The following CYP46A1 variants were observed in gnomAD, a reference collection of about 807,000 sequenced individuals.
The protein encoded by CYP46A1 is cytochrome P450 family 46 subfamily A member 1.
CYP46A1 carries 20 observed loss-of-function variants against 63.3 expected under a neutral mutation model. The ratio of observed to expected loss-of-function variants is 0.32; its 90% CI spans 0.22 to 0.46. The LOEUF (loss-of-function observed/expected upper bound fraction) is 0.46, where lower values mean the gene tolerates loss of function less well. CYP46A1 is among the 20% of genes least tolerant of loss of function. The pLI, the probability that CYP46A1 is intolerant of heterozygous loss-of-function variation, is 1.00. For missense variants in CYP46A1, 445 were observed against 670.8 expected (o/e 0.66, Z 3.72); for synonymous variants, 268 against 273.6 (o/e 0.98, Z 0.20).
intron 7 of CYP46A1, among the ~76,000 whole-genome samples, chr14:99,714,932 A>G (rs1300334633): frequency 6.6e-6 from 1 of 152,202 alleles, no homozygotes; most frequent in African/African-American, 2.4e-5. Flanking sequence ...GTTCTCCCAC[A>G]TACGTGGGAG....
In CYP46A1 at chr14:99,721,997, C is replaced by A; in HGVS notation, c.1107C>A (p.Gly369=). ...TGAGGCTGTACCCACCAGCATGGGG[C>A]ACCTTTCGCCTGCTGGAAGAGGAGA... ...ESLRLYPPAW[G]TFRLLEEETL... Residue 369 remains glycine, a synonymous_variant, in exon 12 of 15, where the codon GGC becomes GGA. Transcript: ENST00000261835. The A allele has an allele frequency of 6.2e-7, 1 of 1,613,782 alleles. No individual in the cohort carries two copies. The highest frequency in any genetic ancestry group is 8.5e-7 in the Non-Finnish European group (1 of 1,179,904).
At chr14:99,688,210 AAATACATCCAGGCATGTGTGATG>A (rs925604354) in intron 1 of CYP46A1, among the ~76,000 whole-genome samples, 2 of 152,084 alleles carry the variant, frequency 1.3e-5, no homozygotes. Flanking sequence ...ATTACTCTGG[AAATACATCCAGGCATGTGTGATG>A]ATCACAGCCC....
chr14:99,692,178 A>G (rs2056549607), intron 3 of CYP46A1, among the ~76,000 whole-genome samples: 1 of 152,230 alleles, frequency 6.6e-6, no homozygotes, highest in South Asian at 2.1e-4. Context: ...TGAGATGGGA[A>G]TTATAACTCT....
intron 7 of CYP46A1, chr14:99,712,126 G>A (rs2056738359): frequency 6.6e-6 from 1 of 152,082 alleles, no homozygotes. Context: ...ATGAATAGAA[G>A]GAACGTAGCT....
Position 99,726,793 on chromosome 14 carries a change from G to T in CYP46A1, c.*66G>T. 1 of 1,319,124 alleles carries T rather than the reference G, an allele frequency of 7.6e-7. No homozygotes were observed. The highest frequency in any genetic ancestry group is 1.0e-6 in the Non-Finnish European group (1 of 993,420). The allele number at this position is 1,319,124 out of a possible 1,614,324, so 81.7% of individuals were successfully genotyped here. A position where few individuals can be genotyped will look rare whatever the true frequency, so the allele number is the denominator to read the frequency against. On this transcript the variant is annotated 3_prime_UTR_variant, in exon 15 of 15. Coordinates refer to ENST00000261835, the MANE Select transcript of CYP46A1 (RefSeq NM_006668.2). ...GTGCCCGCCCACCTCTGCTGCCCAC[G>T]GCCACCCACCCTTCTCCCCTGCCCC...
Position 99,691,718 on chromosome 14 carries a change from G to A in CYP46A1, c.201-62G>A, listed in dbSNP as rs545500131. ...GAAACATCGGTTTCTCAGCTGGGCGGGGTTGGTGATGGTCATACCTCAGGT... is the reference window on the plus strand; with the variant it reads ...GAAACATCGGTTTCTCAGCTGGGCGAGGTTGGTGATGGTCATACCTCAGGT... On this transcript the variant is annotated intron_variant, in intron 2 of 14. Coordinates refer to ENST00000261835, the MANE Select transcript of CYP46A1 (RefSeq NM_006668.2). The A allele has an allele frequency of 2.5e-5, 37 of 1,475,240 alleles. No homozygotes were observed. In the East Asian group the frequency reaches 7.3e-4, roughly 29 times the overall value. 91.4% of individuals were successfully genotyped at this position (1,475,240 alleles called of 1,614,324 possible).
chr14:99,720,147 C>G (rs1302257020), intron 10 of CYP46A1, among the ~76,000 whole-genome samples: 2 of 152,122 alleles, frequency 1.3e-5, no homozygotes, highest in African/African-American at 2.4e-5. Flanking sequence ...TCCATGGGTA[C>G]CTGGGTTGCT....
At chr14:99,706,608 G>T in intron 5 of CYP46A1, 39 bp from the exon 6 acceptor site, 1 of 1,609,822 alleles carries the variant, frequency 6.2e-7, no homozygotes, top group Non-Finnish European at 8.5e-7. Context: ...ACCATATTGG[G>T]CTGGCCAGTG....
chr14:99,726,774 G>A lies in CYP46A1; in HGVS notation c.*47G>A, dbSNP rs144296616. On this transcript the variant is annotated 3_prime_UTR_variant, in exon 15 of 15. Transcript: ENST00000261835. ...GACTCCTCGGGCAAGGGCCGTGCCCGCCCACCTCTGCTGCCCACGGCCACC... is the reference window on the plus strand; with the variant it reads ...GACTCCTCGGGCAAGGGCCGTGCCCACCCACCTCTGCTGCCCACGGCCACC... 2.6e-3 allele frequency: 3,606 copies of A among 1,400,444 alleles called. 50 individuals carry two copies. In the African/African-American group the frequency reaches 0.043, roughly 17 times the overall value. The allele number at this position is 1,400,444 out of a possible 1,614,324, so 86.8% of individuals were successfully genotyped here. A position where few individuals can be genotyped will look rare whatever the true frequency, so the allele number is the denominator to read the frequency against.
intron 3 of CYP46A1, chr14:99,695,495 G>T (rs1307394249): frequency 7.9e-6 from 3 of 378,800 alleles, no homozygotes; most frequent in African/African-American, 2.1e-5. Flanking sequence ...ATTTAGGATG[G>T]ATTTGTCTTT....
chr14:99,726,727 A>T lies in CYP46A1; in HGVS notation c.1503A>T (p.Ter501CysextTer139). The part of the protein sequence containing the change: ...WQPAPPPPPC[*>C] ...CCGCACCCCCACCACCCCCCTGCTG[A>T]GGGGGCCTCCAGGCAGGACGAGACT... The change falls in exon 15 of 15, where the codon TGA becomes TGT. Residue 501 changes from the stop codon to cysteine (C), a stop_lost. Coordinates refer to ENST00000261835, the MANE Select transcript of CYP46A1 (RefSeq NM_006668.2). The T allele has an allele frequency of 6.6e-7, 1 of 1,520,718 alleles. No homozygotes were observed. Among genetic ancestry groups the T allele is most frequent in the Non-Finnish European group, 8.8e-7 (1 of 1,131,970 alleles). The allele number at this position is 1,520,718 out of a possible 1,614,324, so 94.2% of individuals were successfully genotyped here.
At chr14:99,694,238 T>C (rs2056567386) in intron 3 of CYP46A1, among the ~76,000 whole-genome samples, 1 of 151,704 alleles carries the variant, frequency 6.6e-6, no homozygotes, top group Non-Finnish European at 1.5e-5. Context: ...AGAGATCTGT[T>C]CACTTCACAT....
At position 99,725,439 on chromosome 14, in the gene CYP46A1, C is replaced by A; in HGVS notation, c.1225C>A (p.Leu409Met). The change falls in exon 13 of 15, where the codon CTG (leucine) becomes ATG (methionine). Residue 409 changes from leucine (L) to methionine (M), a missense_variant. Physicochemically the swap from Leu to Met is conservative, Grantham distance 15 (BLOSUM62 2). This residue lies in a region of CYP46A1 where 95 missense variants were observed against 156.9 expected (regional missense o/e 0.61). Transcript: ENST00000261835. This position sits in a 1 kb window ranked among gnomAD's most constrained non-coding sequence, Gnocchi z 4.2. The stretch of plus-strand genomic sequence containing the variant: ...GATGGACACATACTTTGAGGACCCG[C>A]TGACTTTCAACCCCGATCGCTTCGG... The part of the protein sequence containing the change: ...GRMDTYFEDP[L>M]TFNPDRFGPG... The A allele has an allele frequency of 6.2e-7, 1 of 1,614,178 alleles. No homozygotes were observed. Among genetic ancestry groups the A allele is most frequent in the Non-Finnish European group, 8.5e-7 (1 of 1,180,024 alleles).
chr14:99,708,709 GC>G (rs1316826420), intron 7 of CYP46A1: 2 of 154,128 alleles, frequency 1.3e-5, no homozygotes, highest in East Asian at 3.8e-4. Context: ...GGCTTGCCCT[GC>G]CTAATGTAGG....
chr14:99,684,644 C>T lies in CYP46A1; in HGVS notation c.119+108C>T, dbSNP rs190490250. On this transcript the variant is annotated intron_variant, in intron 1 of 14. Transcript: ENST00000261835. ...GGGGTCCGGCCTCGCCTAGTGCGCG[C>T]GGCCGCTGGGAGTCGGCGGCCCCGA... The T allele has an allele frequency of 3.6e-3, 3,453 of 955,696 alleles. 75 individuals carry two copies. In the Admixed American group the frequency reaches 0.055, roughly 15 times the overall value. 59.2% of individuals were successfully genotyped at this position (955,696 alleles called of 1,614,324 possible).
At chr14:99,713,127 T>C (rs2056749907) in intron 7 of CYP46A1, 1 of 151,996 alleles carries the variant, frequency 6.6e-6, no homozygotes, top group African/African-American at 2.4e-5. Flanking sequence ...TATACAAAAA[T>C]CACCTTAAAA....
intron 3 of CYP46A1, among the ~76,000 whole-genome samples, chr14:99,696,243 T>G (rs1389629217): frequency 6.7e-6 from 1 of 150,178 alleles, no homozygotes; most frequent in Non-Finnish European, 1.5e-5. Context: ...GTTTTAGTAT[T>G]CTGTTTCATC....
chr14:99,688,477 ACCT>A (rs2056514590), intron 1 of CYP46A1, among the ~76,000 whole-genome samples: 1 of 151,760 alleles, frequency 6.6e-6, no homozygotes. Context: ...GCAGCTGCCC[ACCT>A]CCTGCCCCAG....
chr14:99,717,686 C>G (rs1566834708), intron 9 of CYP46A1: 1 of 205,558 alleles, frequency 4.9e-6, no homozygotes, highest in East Asian at 1.1e-4. Flanking sequence ...AAATCAGCCT[C>G]CCGAAATGTC....
Sources: gnomAD v4.1 joint callset for allele counts (sites outside exome capture counted in the v4.1 genomes callset) on GRCh38, gnomAD v4.1.1 for gene constraint, gnomAD v4.1.1 regional missense constraint, Gnocchi (gnomAD v3.1) non-coding constraint, MANE v1.5 for transcripts, NCBI Gene and HGNC (gene_info 2026-07-23, HGNC 2026-07-21) for gene names.